Variants in BBS9 observed in about 807,000 individuals in gnomAD.
BBS9 encodes the protein Bardet-Biedl syndrome 9.
A neutral mutation model predicts 117.7 loss-of-function variants in BBS9; 89 were observed. That is an observed-to-expected ratio of 0.76 (90% CI 0.64 to 0.90). BBS9 has a LOEUF of 0.90. BBS9 is among the 40% of genes least tolerant of loss of function. The pLI, the probability that BBS9 is intolerant of heterozygous loss-of-function variation, is 0.00. For missense variants in BBS9, 982 were observed against 1,042.2 expected (o/e 0.94, Z 0.80); for synonymous variants, 379 against 370.9 (o/e 1.02, Z -0.25).
chr7:33,402,057 A>G lies in BBS9; in HGVS notation c.2115+13913A>G, dbSNP rs1584671221. On this transcript the variant is annotated intron_variant, in intron 19 of 22. Transcript: ENST00000242067. ...CTCACGCCCTTGCTAAATCCAGGCC[A>G]TGGTCCCAAGGAAGCCCACAGGTCC... is the stretch of plus-strand genomic sequence containing the variant. Among the ~76,000 whole-genome samples the G allele has an allele frequency of 1.3e-5, 2 of 152,290 alleles. 1 individual carries two copies. Among genetic ancestry groups the G allele is most frequent in the South Asian group, 4.1e-4 (2 of 4,826 alleles).
intron 5 of BBS9, among the ~76,000 whole-genome samples, chr7:33,219,285 A>G (rs1404790038): frequency 6.6e-6 from 1 of 152,094 alleles, no homozygotes; most frequent in East Asian, 1.9e-4. Flanking sequence ...TGTGCGGCCG[A>G]GCTTCCCCGG....
intron 9 of BBS9, among the ~76,000 whole-genome samples, chr7:33,297,220 A>G (rs755287439): frequency 2.0e-5 from 3 of 152,134 alleles, no homozygotes; most frequent in Non-Finnish European, 2.9e-5. Flanking sequence ...ATTTTTCTCT[A>G]CATGTTTGCT....
At chr7:33,204,264 G>C (rs1364589063) in intron 5 of BBS9, among the ~76,000 whole-genome samples, 1 of 4,830 alleles carries the variant, frequency 2.1e-4, no homozygotes, top group African/African-American at 6.3e-4. Flanking sequence ...ATTAGCCGGT[G>C]GTGGTGGTGG....
At chr7:33,350,783 G>A (rs1818498239) in intron 13 of BBS9, among the ~76,000 whole-genome samples, 1 of 152,086 alleles carries the variant, frequency 6.6e-6, no homozygotes, top group Non-Finnish European at 1.5e-5. Flanking sequence ...TCACTCTGTT[G>A]CCTGGACTGG....
chr7:33,248,575 A>T (rs780389270), intron 5 of BBS9, among the ~76,000 whole-genome samples: 1 of 152,174 alleles, frequency 6.6e-6, no homozygotes, highest in Non-Finnish European at 1.5e-5. Flanking sequence ...AGCAACCTCT[A>T]GATATCCATC....
chr7:33,297,991 GGA>G (rs1332129492), intron 9 of BBS9, among the ~76,000 whole-genome samples: 7 of 151,862 alleles, frequency 4.6e-5, no homozygotes, highest in African/African-American at 1.7e-4. Flanking sequence ...CTTTTTTTTA[GGA>G]GAGATATGCT....
At chr7:33,387,288 T>G (rs775037598) in intron 18 of BBS9, among the ~76,000 whole-genome samples, 3 of 152,212 alleles carry the variant, frequency 2.0e-5, no homozygotes, top group South Asian at 2.1e-4. Flanking sequence ...GGTATTTGTA[T>G]TAACTTTTAT....
chr7:33,427,307 C>T (rs1833796557), intron 19 of BBS9, among the ~76,000 whole-genome samples: 1 of 152,122 alleles, frequency 6.6e-6, no homozygotes, highest in South Asian at 2.1e-4. Flanking sequence ...AATCTTAGAC[C>T]TTTCACAATT....
At chr7:33,272,570 T>C (rs908643436) in intron 7 of BBS9, among the ~76,000 whole-genome samples, 12 of 152,178 alleles carry the variant, frequency 7.9e-5, no homozygotes, top group African/African-American at 2.9e-4. Context: ...GTAGCTCTTA[T>C]GTATAGAATA....
At chr7:33,506,606 C>A (rs997808122) in intron 20 of BBS9, among the ~76,000 whole-genome samples, 1 of 152,028 alleles carries the variant, frequency 6.6e-6, no homozygotes, top group African/African-American at 2.4e-5. Context: ...TTTCTTAACT[C>A]TTTCTGTCTG....
intron 9 of BBS9, among the ~76,000 whole-genome samples, chr7:33,292,781 G>T (rs554103539): frequency 6.6e-6 from 1 of 152,148 alleles, no homozygotes; most frequent in Non-Finnish European, 1.5e-5. Flanking sequence ...GCCAAGGCAG[G>T]TGGATCACGA....
At chr7:33,496,946 AATCTT>A (rs1195748668) in intron 19 of BBS9, among the ~76,000 whole-genome samples, 2 of 152,178 alleles carry the variant, frequency 1.3e-5, no homozygotes, top group Non-Finnish European at 2.9e-5. Context: ...GCCCTGGTAA[AATCTT>A]TTCTTTTTTC....
intron 9 of BBS9, among the ~76,000 whole-genome samples, chr7:33,275,984 A>G (rs1256054464): frequency 6.6e-6 from 1 of 152,156 alleles, no homozygotes; most frequent in Non-Finnish European, 1.5e-5. Flanking sequence ...GAACCTTCCT[A>G]TTTCTCATAG....
chr7:33,516,760 C>G (rs1228472655), intron 20 of BBS9, among the ~76,000 whole-genome samples: 2 of 152,130 alleles, frequency 1.3e-5, no homozygotes, highest in Non-Finnish European at 2.9e-5. Flanking sequence ...GAGAAGTAGT[C>G]AAGACTGAGT....
chr7:33,229,154 A>G (rs1351626506), intron 5 of BBS9, among the ~76,000 whole-genome samples: 2 of 152,174 alleles, frequency 1.3e-5, no homozygotes, highest in African/African-American at 4.8e-5. Flanking sequence ...TAACATATCC[A>G]TCATCTCACT....
intron 19 of BBS9, among the ~76,000 whole-genome samples, chr7:33,491,762 G>T (rs927872036): frequency 1.3e-5 from 2 of 152,166 alleles, no homozygotes; most frequent in Admixed American, 6.5e-5. Flanking sequence ...GGTAAATAAT[G>T]TAAGTATTTT....
intron 19 of BBS9, among the ~76,000 whole-genome samples, chr7:33,498,351 A>G (rs570159158): frequency 9.2e-5 from 14 of 152,318 alleles, no homozygotes; most frequent in Admixed American, 7.2e-4. Flanking sequence ...TTATTGAGAT[A>G]TCATTTACAT....
chr7:33,607,371 C>T (rs1206211467), downstream of BBS9, among the ~76,000 whole-genome samples: 1 of 151,944 alleles, frequency 6.6e-6, no homozygotes, highest in African/African-American at 2.4e-5. Context: ...CTTGAAAATT[C>T]AATACTTAAT....
At chr7:33,164,963 A>G (rs1795432149) in intron 4 of BBS9, among the ~76,000 whole-genome samples, 3 of 151,990 alleles carry the variant, frequency 2.0e-5, no homozygotes, top group Admixed American at 1.3e-4. Context: ...GCGGTGGCTG[A>G]TACCGGTCTT....
Sources: gnomAD v4.1 joint callset for allele counts (sites outside exome capture counted in the v4.1 genomes callset) on GRCh38, gnomAD v4.1.1 for gene constraint, MANE v1.5 for transcripts, NCBI Gene and HGNC (gene_info 2026-07-23, HGNC 2026-07-21) for gene names.